SKI: variants seen among roughly 807,000 people sequenced by gnomAD.
SKI encodes the protein ski oncogene.
Under a neutral mutation model 59.3 loss-of-function variants are expected in SKI, and 23 were observed. The observed-to-expected ratio is 0.39, with a 90% CI of 0.28 to 0.55. The LOEUF (loss-of-function observed/expected upper bound fraction) is 0.55, where lower values mean the gene tolerates loss of function less well. SKI is among the 20% of genes least tolerant of loss of function. SKI has a pLI of 0.67. For synonymous variants in SKI, 673 were observed against 488.6 expected (o/e 1.38, Z -4.98); for missense variants, 1,017 against 1,038.9 (o/e 0.98, Z 0.29).
In SKI at chr1:2,285,731, T is replaced by G. The variant is rs199915409; in HGVS notation, c.970-17247T>G. ...GGTGCCCGCCACCATGCCCAGCCAA[T>G]TTTTGTATTTGTAGCAGAGATGGGG... On this transcript the variant is annotated intron_variant, in intron 1 of 6. Coordinates refer to ENST00000378536, the MANE Select transcript of SKI (RefSeq NM_003036.4). Among the ~76,000 whole-genome samples the G allele has an allele frequency of 8.0e-5, 12 of 149,852 alleles. No individual in the cohort carries two copies. The East Asian group carries it at 2.5e-3, about 31-fold the overall frequency.
chr1:2,273,182 C>T (rs1639666801), intron 1 of SKI, among the ~76,000 whole-genome samples: 1 of 152,198 alleles, frequency 6.6e-6, no homozygotes, highest in Non-Finnish European at 1.5e-5. Context: ...TGGGCCTTGG[C>T]CATGCTGCCT....
intron 1 of SKI, among the ~76,000 whole-genome samples, chr1:2,245,814 T>TTTTTTTTTG (rs71266538): frequency 7.0e-6 from 1 of 142,510 alleles, no homozygotes; most frequent in African/African-American, 2.7e-5. Context: ...TTTTTTTTTT[T>TTTTTTTTTG]GAGGCAGGGT....
rs554641110 is a variant in SKI at position 2,264,249 on chromosome 1, A to AT, written c.969+34522dup. Among the ~76,000 whole-genome samples, 845 of 151,932 alleles carry AT rather than the reference A, an allele frequency of 5.6e-3. 2 individuals carry two copies. Among genetic ancestry groups the AT allele is most frequent in the Middle Eastern group, 0.01 (3 of 292 alleles). ...TATAGGTTGACTTCAAAAAGTTTCAATTTTTTTTGTGGTTTAATTTAATTT... is the reference window on the plus strand; with the variant it reads ...TATAGGTTGACTTCAAAAAGTTTCAATTTTTTTTTGTGGTTTAATTTAATTT... On this transcript the variant is annotated intron_variant, in intron 1 of 6. Coordinates refer to ENST00000378536, the MANE Select transcript of SKI (RefSeq NM_003036.4).
intron 1 of SKI, among the ~76,000 whole-genome samples, chr1:2,256,176 G>A (rs1362256837): frequency 1.4e-5 from 2 of 147,678 alleles, no homozygotes; most frequent in Non-Finnish European, 3.0e-5. Flanking sequence ...TCTTATCTGT[G>A]CCACTCTGTG....
chr1:2,256,031 C>T (rs1166778567), intron 1 of SKI, among the ~76,000 whole-genome samples: 1 of 151,660 alleles, frequency 6.6e-6, no homozygotes, highest in Non-Finnish European at 1.5e-5. Flanking sequence ...ACTGCATTTC[C>T]TGTCTGGAGC....
chr1:2,243,054 C>T (rs1038148147), intron 1 of SKI, among the ~76,000 whole-genome samples: 2 of 152,354 alleles, frequency 1.3e-5, no homozygotes, highest in South Asian at 2.1e-4. Flanking sequence ...CGTGTGAACG[C>T]GGTTCCCCAC....
At chr1:2,245,394 A>C (rs951693813) in intron 1 of SKI, among the ~76,000 whole-genome samples, 3 of 152,212 alleles carry the variant, frequency 2.0e-5, no homozygotes, top group African/African-American at 7.2e-5. Flanking sequence ...GCACGGGTGC[A>C]CAGTGACCTC....
At position 2,303,273 on chromosome 1, in the gene SKI, CTT is replaced by C. The variant is rs1419699233; in HGVS notation, c.1096-10_1096-9del. ...CTCCTGGTCACTCACACAGACAACTCTTTCTCGACAGAGCCTGGGCTGTGTTC... is the reference window on the plus strand; with the variant it reads ...CTCCTGGTCACTCACACAGACAACTCTCTCGACAGAGCCTGGGCTGTGTTC... On this transcript the variant is annotated splice_polypyrimidine_tract_variant and intron_variant, in intron 2 of 6. Coordinates refer to ENST00000378536, the MANE Select transcript of SKI (RefSeq NM_003036.4). The surrounding 1 kb of genome is among the most constrained non-coding windows in gnomAD (Gnocchi z 5.6). The C allele has an allele frequency of 6.2e-7, 1 of 1,612,750 alleles. No homozygotes were observed. The highest frequency in any genetic ancestry group is 8.5e-7 in the Non-Finnish European group (1 of 1,179,684).
chr1:2,242,162 C>G (rs1033146235), intron 1 of SKI, among the ~76,000 whole-genome samples: 1 of 152,224 alleles, frequency 6.6e-6, no homozygotes, highest in African/African-American at 2.4e-5. Flanking sequence ...TGATGCGTCC[C>G]TTGGTGTGGC....
intron 1 of SKI, among the ~76,000 whole-genome samples, chr1:2,249,655 A>G (rs1357483136): frequency 6.6e-6 from 1 of 152,150 alleles, no homozygotes; most frequent in Non-Finnish European, 1.5e-5. Flanking sequence ...AAAAGCGTGG[A>G]GGAGGGAAGA....
chr1:2,236,969 C>T (rs943257408), intron 1 of SKI, among the ~76,000 whole-genome samples: 1 of 152,174 alleles, frequency 6.6e-6, no homozygotes, highest in Non-Finnish European at 1.5e-5. Flanking sequence ...CAGAGAAACG[C>T]AGCTCAGGCT....
At chr1:2,306,297 C>T in intron 6 of SKI, 47 bp downstream of exon 6, 4 of 1,464,676 alleles carry the variant, frequency 2.7e-6, no homozygotes, top group South Asian at 1.3e-5. Context: ...GGGCGTGGAG[C>T]CGCCGTGGGC....
intron 1 of SKI, among the ~76,000 whole-genome samples, chr1:2,278,364 C>T (rs1639790841): frequency 1.3e-5 from 2 of 152,198 alleles, no homozygotes. Context: ...GGGAGGACGG[C>T]AGTCTGTATC....
rs1442097924 is a variant in SKI, at chr1:2,303,940, G to A, written c.1312G>A (p.Ala438Thr). 3.1e-6 allele frequency: 5 copies of A among 1,611,506 alleles called. No individual in the cohort carries two copies. Among genetic ancestry groups the A allele is most frequent in the East Asian group, 2.2e-5 (1 of 44,864 alleles). Reference protein sequence around the residue: ...KVVSSPPCAAAVSRAPEPLAT... With the variant: ...KVVSSPPCAATVSRAPEPLAT... ...TGTGAGCAGCCCTCCGTGTGCCGCC[G>A]CCGTCTCCCGGGCCCCCGAGCCTCT... The change falls in exon 4 of 7, where the codon GCC becomes ACC. Residue 438 changes from alanine to threonine, a missense_variant. By Grantham distance (58) the Ala-to-Thr change is moderately conservative. Coordinates refer to ENST00000378536, the MANE Select transcript of SKI (RefSeq NM_003036.4). The surrounding 1 kb of genome is among the most constrained non-coding windows in gnomAD (Gnocchi z 5.6).
intron 1 of SKI, among the ~76,000 whole-genome samples, chr1:2,256,474 C>A (rs982900180): frequency 6.6e-6 from 1 of 152,246 alleles, no homozygotes; most frequent in Non-Finnish European, 1.5e-5. Context: ...GTCCAGAGGC[C>A]GATGGCCAGC....
At chr1:2,272,654 C>A (rs1304068741) in intron 1 of SKI, among the ~76,000 whole-genome samples, 1 of 152,260 alleles carries the variant, frequency 6.6e-6, no homozygotes, top group Admixed American at 6.5e-5. Context: ...AAATTAAATA[C>A]AACCATGTAT....
rs938729487 is a variant in SKI, at chr1:2,274,624, G to A, written c.970-28354G>A. ...GGCCACGTCCCTCTAACATGTTTCT[G>A]GAAGTGGGATTCTAGGCTGGAGCCT... is the stretch of plus-strand genomic sequence containing the variant. On this transcript the variant is annotated intron_variant, in intron 1 of 6. Coordinates refer to ENST00000378536, the MANE Select transcript of SKI (RefSeq NM_003036.4). Among the ~76,000 whole-genome samples, 155 of 152,368 alleles carry A rather than the reference G, an allele frequency of 1.0e-3. 2 individuals are homozygous for A. Among genetic ancestry groups the A allele is most frequent in the Non-Finnish European group, 3.4e-4 (23 of 68,030 alleles).
chr1:2,302,421 C>T (rs947628393), intron 1 of SKI, among the ~76,000 whole-genome samples: 1 of 152,178 alleles, frequency 6.6e-6, no homozygotes, highest in African/African-American at 2.4e-5. Context: ...CTTTAATGCA[C>T]CTGTGCCAGT....
chr1:2,283,789 C>G lies in SKI; in HGVS notation c.970-19189C>G, dbSNP rs1639969220. On this transcript the variant is annotated intron_variant, in intron 1 of 6. Coordinates refer to ENST00000378536, the MANE Select transcript of SKI (RefSeq NM_003036.4). ...CCCAAGGGTACGGGAGGCCCGTCCA[C>G]TAGAACTGAGGCCTGGCACCATGTT... Among the ~76,000 whole-genome samples, 3 of 152,232 alleles carry G rather than the reference C, an allele frequency of 2.0e-5. No homozygotes were observed. In the South Asian group the frequency reaches 6.2e-4, roughly 31 times the overall value.
Sources: allele counts gnomAD v4.1 joint callset (sites outside exome capture counted in the v4.1 genomes callset), GRCh38; gene constraint gnomAD v4.1.1; non-coding constraint Gnocchi (gnomAD v3.1); transcripts MANE v1.5; gene names NCBI Gene and HGNC (gene_info 2026-07-23, HGNC 2026-07-21).